Variants in OTP observed in about 807,000 individuals in gnomAD.
OTP encodes orthopedia homeobox, also known as homeobox protein orthopedia.
Under a neutral mutation model 22.3 loss-of-function variants are expected in OTP, and 5 were observed. The observed-to-expected ratio is 0.22, with a 90% confidence interval of 0.12 to 0.47. The LOEUF (loss-of-function observed/expected upper bound fraction) is 0.47, where lower values mean the gene tolerates loss of function less well. Ranked by LOEUF, OTP falls within the 20% of genes least tolerant of loss-of-function variation. OTP has a pLI of 0.99. For synonymous variants in OTP, 229 were observed against 210.6 expected, an observed-to-expected ratio of 1.09 and a Z score of -0.76; for missense variants, 428 against 456.2, an observed-to-expected ratio of 0.94 and a Z score of 0.56.
rs780446029 is a variant in OTP, at chr5:77,630,546, C to T, written c.696G>A (p.Met232Ile). The stretch of plus-strand genomic sequence containing the variant: ...GGCTGCACTGGGACAGCGACTGCGC[C>T]ATGGCCTGCTGCCTGCCCAGCGCCG... ...LPPALGRQQA[M>I]AQSLSQCSLA... The change falls in exon 3 of 3, where the codon ATG (methionine) becomes ATA (isoleucine). Residue 232 changes from methionine (M) to isoleucine (I), a missense_variant. Transcript: ENST00000306422. The T allele has an allele frequency of 3.8e-6, 6 of 1,577,972 alleles. No homozygotes were observed. The Admixed American group carries it at 5.4e-5, about 14-fold the overall frequency.
intron 2 of OTP, chr5:77,635,953 C>A (rs1372210024): frequency 6.6e-6 from 1 of 151,614 alleles, no homozygotes; most frequent in African/African-American, 2.4e-5. Flanking sequence ...TAGGCTTATA[C>A]TTTTATTCAC....
chr5:77,632,541 G>A (rs1290658833), intron 2 of OTP, among the ~76,000 whole-genome samples: 2 of 152,060 alleles, frequency 1.3e-5, no homozygotes, highest in Non-Finnish European at 2.9e-5. Context: ...CGGTCTCGGT[G>A]AGCCAGCAAT....
intron 2 of OTP, among the ~76,000 whole-genome samples, chr5:77,631,088 A>G (rs1188631681): frequency 6.6e-6 from 1 of 152,202 alleles, no homozygotes; most frequent in Non-Finnish European, 1.5e-5. Flanking sequence ...AGTCTTCACC[A>G]CGCCCCTGCA....
chr5:77,631,658 C>G (rs1211785731), intron 2 of OTP, among the ~76,000 whole-genome samples: 3 of 150,600 alleles, frequency 2.0e-5, no homozygotes, highest in Non-Finnish European at 4.4e-5. Context: ...TCCCGGGTCC[C>G]GGCTGAAGCA....
At chr5:77,635,911 A>AAC (rs1561246761) in intron 2 of OTP, 2 of 136,760 alleles carry the variant, frequency 1.5e-5, no homozygotes, top group African/African-American at 5.3e-5. Flanking sequence ...TAAAAAACAA[A>AAC]AAAAAAAAAC....
intron 1 of OTP, among the ~76,000 whole-genome samples, 177 bp downstream of exon 1, chr5:77,638,336 A>G (rs1438961798): frequency 6.6e-6 from 1 of 152,016 alleles, no homozygotes. Flanking sequence ...TCTTGGATCT[A>G]CATATTCCAT....
At chr5:77,635,121 C>T (rs1233934455) in intron 2 of OTP, among the ~76,000 whole-genome samples, 1 of 152,064 alleles carries the variant, frequency 6.6e-6, no homozygotes, top group Non-Finnish European at 1.5e-5. Flanking sequence ...TTAATTTAAA[C>T]TAATTGCCAG....
chr5:77,633,483 C>T (rs1744959759), intron 2 of OTP, among the ~76,000 whole-genome samples: 2 of 152,094 alleles, frequency 1.3e-5, no homozygotes, highest in Admixed American at 1.3e-4. Flanking sequence ...AAAATGCAGG[C>T]AAAACCTAAG....
intron 2 of OTP, among the ~76,000 whole-genome samples, chr5:77,631,966 G>A (rs987999312): frequency 3.3e-5 from 5 of 152,010 alleles, no homozygotes; most frequent in Admixed American, 6.5e-5. Flanking sequence ...CAAATTTTCG[G>A]ACCAATATGA....
Position 77,630,720 on chromosome 5 carries a change from T to G in OTP, c.522A>C (p.Thr174=), listed in dbSNP as rs1580062139. Residue 174 remains threonine (T), a synonymous_variant, in exon 3 of 3, where the codon ACA becomes ACC. Transcript: ENST00000306422. ...GAGGCAGGCCTGGCGTGGGCAGCAG[T>G]GTGCCGGGCGCACGGAACACGTTGG... The part of the protein sequence containing the change: ...KTTNVFRAPG[T]LLPTPGLPQF... 6.3e-7 allele frequency: 1 copy of G among 1,582,674 alleles called. No homozygotes were observed. The highest frequency in any genetic ancestry group is 1.1e-5 in the South Asian group (1 of 89,206).
At chr5:77,637,392 G>T (rs560561401) in intron 1 of OTP, among the ~76,000 whole-genome samples, 162 bp from the exon 2 acceptor site, 2 of 152,332 alleles carry the variant, frequency 1.3e-5, no homozygotes, top group African/African-American at 2.4e-5. Flanking sequence ...CCCAGAATTT[G>T]GACAGCCGGG....
chr5:77,630,364 A>G lies in OTP; in HGVS notation c.878T>C (p.Leu293Pro). ...GPSNVSGSPQ[L>P]CSSPDSSDVW... ...GTCGCTGCTGTCCGGGGAGCTGCAG[A>G]GCTGGGGCGAACCGGAGACGTTGCT... Residue 293 changes from leucine to proline, a missense_variant, in exon 3 of 3, where the codon CTC becomes CCC. Physicochemically the swap from Leu to Pro is moderately conservative, Grantham distance 98 (BLOSUM62 -3). This residue lies in a region of OTP where 236 missense variants were observed against 238.1 expected (regional missense o/e 0.99). Transcript: ENST00000306422. The G allele has an allele frequency of 6.3e-7, 1 of 1,576,052 alleles. No individual in the cohort carries two copies. Among genetic ancestry groups the G allele is most frequent in the Non-Finnish European group, 8.6e-7 (1 of 1,164,898 alleles).
intron 2 of OTP, among the ~76,000 whole-genome samples, chr5:77,634,181 C>A (rs1314060688): frequency 6.6e-6 from 1 of 152,148 alleles, no homozygotes; most frequent in African/African-American, 2.4e-5. Flanking sequence ...GTTAATTAAT[C>A]CATGCTAGAG....
chr5:77,636,847 T>C lies in OTP; in HGVS notation c.421A>G (p.Ile141Val), dbSNP rs540685045. 2.9e-5 allele frequency: 46 copies of C among 1,613,708 alleles called. 1 individual carries two copies. The East Asian group carries it at 9.8e-4, about 34-fold the overall frequency. Residue 141 changes from isoleucine (I) to valine (V), a missense_variant, in exon 2 of 3, where the codon ATC becomes GTC. Around this residue, in one of 3 missense-constraint regions of OTP, gnomAD observed 16 missense variants for 55.2 expected, o/e 0.29. Transcript: ENST00000306422. ...IFMREELALR[I>V]GLTESRVQVW... is the part of the protein sequence containing the mutation. The stretch of plus-strand genomic sequence containing the variant: ...TGCACTCGGGACTCGGTCAGCCCGA[T>C]ACGCAGTGCCAGCTCCTCACGCATA...
In OTP at chr5:77,628,974, C is replaced by G. The variant is rs1445402261; in HGVS notation, c.*1290G>C. 6.6e-6 allele frequency: 1 copy of G among 152,608 alleles called. No homozygotes were observed. The highest frequency in any genetic ancestry group is 1.9e-4 in the East Asian group (1 of 5,192). 9.5% of individuals were successfully genotyped at this position (152,608 alleles called of 1,614,324 possible). A position where few individuals can be genotyped will look rare whatever the true frequency, so the allele number is the denominator to read the frequency against. Reference sequence around the variant, plus strand: ...TCTGTTCTCTGGGTTTGGATTTGACCAGCACATGCAGAAAGAGCTGATTGT... The same window carrying G: ...TCTGTTCTCTGGGTTTGGATTTGACGAGCACATGCAGAAAGAGCTGATTGT... On this transcript the variant is annotated 3_prime_UTR_variant, in exon 3 of 3. Transcript: ENST00000306422.
At chr5:77,637,662 G>A (rs1745031436) in intron 1 of OTP, among the ~76,000 whole-genome samples, 1 of 152,180 alleles carries the variant, frequency 6.6e-6, no homozygotes, top group South Asian at 2.1e-4. Flanking sequence ...CTGACGAACT[G>A]TACCTCCGGC....
intron 2 of OTP, 150 bp downstream of exon 2, chr5:77,636,671 G>T: frequency 1.4e-6 from 1 of 717,076 alleles, no homozygotes; most frequent in Non-Finnish European, 2.2e-6. Context: ...CCAGTTTCCG[G>T]GTAGAGAAGG....
At position 77,637,197 on chromosome 5, in the gene OTP, C is replaced by A. The variant is rs1475348805; in HGVS notation, c.71G>T (p.Arg24Leu). The A allele has an allele frequency of 6.5e-7, 1 of 1,544,264 alleles. No individual in the cohort carries two copies. The highest frequency in any genetic ancestry group is 2.1e-5 in the Admixed American group (1 of 47,930). ...MKDAAELLGHREAVKCRLGVG... is the reference protein window; with the variant it reads ...MKDAAELLGHLEAVKCRLGVG... ...GCCCAGCCTACACTTCACCGCCTCC[C>A]GGTGGCCCAGAAGCTCGGCGGCATC... The change falls in exon 2 of 3, where the codon CGG (arginine) becomes CTG (leucine). Residue 24 changes from arginine to leucine, a missense_variant. Around this residue, in one of 3 missense-constraint regions of OTP, gnomAD observed 176 missense variants for 162.9 expected, o/e 1.08. Coordinates refer to ENST00000306422, the MANE Select transcript of OTP (RefSeq NM_032109.3).
chr5:77,630,544 G>A lies in OTP; in HGVS notation c.698C>T (p.Ala233Val). ...PPALGRQQAM[A>V]QSLSQCSLAA... The stretch of plus-strand genomic sequence containing the variant: ...CAGGCTGCACTGGGACAGCGACTGC[G>A]CCATGGCCTGCTGCCTGCCCAGCGC... The change falls in exon 3 of 3, where the codon GCG (alanine) becomes GTG (valine). Residue 233 changes from alanine to valine, a missense_variant. Ala to Val is a moderately conservative substitution (Grantham distance 64, BLOSUM62 0). This residue lies in a region of OTP where 236 missense variants were observed against 238.1 expected (regional missense o/e 0.99). Coordinates refer to ENST00000306422, the MANE Select transcript of OTP (RefSeq NM_032109.3). 1.3e-6 allele frequency: 2 copies of A among 1,577,430 alleles called. No individual in the cohort carries two copies. Among genetic ancestry groups the A allele is most frequent in the African/African-American group, 1.3e-5 (1 of 74,242 alleles).
Sources: allele counts gnomAD v4.1 joint callset (sites outside exome capture counted in the v4.1 genomes callset), GRCh38; gene constraint gnomAD v4.1.1; regional missense constraint gnomAD v4.1.1; transcripts MANE v1.5; gene names NCBI Gene and HGNC (gene_info 2026-07-23, HGNC 2026-07-21).